CPO: variants seen among roughly 807,000 people sequenced by gnomAD.
CPO encodes carboxypeptidase O, also known as metallocarboxypeptidase C.
A neutral mutation model predicts 41.2 loss-of-function variants in CPO; 43 were observed. The ratio of observed to expected loss-of-function variants is 1.04; its 90% CI spans 0.82 to 1.35. CPO has a LOEUF of 1.35. Among genes scored for constraint, CPO ranks in the 40% most tolerant of loss-of-function variants. The probability of loss-of-function intolerance (pLI) is 0.00; values close to 1 mark genes in which losing one functional copy is unlikely to be tolerated. For synonymous variants in CPO, 178 were observed against 162.7 expected (o/e 1.09, Z -0.72); for missense variants, 408 against 451.7 (o/e 0.90, Z 0.88).
Position 206,958,310 on chromosome 2 carries a change from C to A in CPO, c.277C>A (p.Pro93Thr), listed in dbSNP as rs116599300. 2 of 1,576,622 alleles carry A rather than the reference C, an allele frequency of 1.3e-6. No individual in the cohort carries two copies. The highest frequency in any genetic ancestry group is 1.7e-6 in the Non-Finnish European group (2 of 1,156,792). Residue 93 changes from proline (P) to threonine (T), a missense_variant, in exon 4 of 9, where the codon CCA becomes ACA. Transcript: ENST00000272852. ...TGGATATCTTCTCCAGATCAGCCAA[C>A]CATCTGGTAATCCCAAGAAAATCAT... The part of the protein sequence containing the change: ...HPMYYLKISQ[P>T]SGNPKKIIWM...
Position 206,969,195 on chromosome 2 carries a change from G to C in CPO, c.884G>C (p.Arg295Thr), listed in dbSNP as rs1218752776. 1.9e-6 allele frequency: 3 copies of C among 1,614,150 alleles called. No homozygotes were observed. The change falls in exon 9 of 9, where the codon AGA becomes ACA. Residue 295 changes from arginine (R) to threonine (T), a missense_variant. By Grantham distance (71) the Arg-to-Thr change is moderately conservative (BLOSUM62 -1). Transcript: ENST00000272852. The stretch of plus-strand genomic sequence containing the variant: ...GTAGATGCCTCATCAGGGTCTTCAA[G>C]AGATTGGGCCCGAGACATTGGGATT... ...DILYASSGSS[R>T]DWARDIGIPF... is the part of the protein sequence containing the mutation.
At chr2:206,962,201 C>T (rs1177941173) in intron 6 of CPO, among the ~76,000 whole-genome samples, 3 of 151,872 alleles carry the variant, frequency 2.0e-5, no homozygotes, top group South Asian at 2.1e-4. Flanking sequence ...TAAATCCTAA[C>T]GTTATCCCTT....
At position 206,959,861 on chromosome 2, in the gene CPO, A is replaced by C. The variant is rs934230982; in HGVS notation, c.483+120A>C. 4 of 531,522 alleles carry C rather than the reference A, an allele frequency of 7.5e-6. No homozygotes were observed. The South Asian group carries it at 1.4e-4, about 18-fold the overall frequency. The allele number at this position is 531,522 out of a possible 1,614,324, so 32.9% of individuals were successfully genotyped here. A position where few individuals can be genotyped will look rare whatever the true frequency, so the allele number is the denominator to read the frequency against. On this transcript the variant is annotated intron_variant, in intron 5 of 8. Transcript: ENST00000272852. ...ATTTCATACCTATGTAAAGAAAGGA[A>C]CCCCATTTGGGATAAAAATCAGCTT...
chr2:206,958,728 G>GTTTTTTTTT (rs752377148), intron 4 of CPO, among the ~76,000 whole-genome samples: 5 of 53,328 alleles, frequency 9.4e-5, no homozygotes, highest in East Asian at 7.8e-4. Flanking sequence ...AAATTTTCTA[G>GTTTTTTTTT]TTTTTTTTTT....
At chr2:206,964,779 G>A (rs1325118204) in intron 7 of CPO, among the ~76,000 whole-genome samples, 1 of 152,186 alleles carries the variant, frequency 6.6e-6, no homozygotes, top group Non-Finnish European at 1.5e-5. Context: ...TGCTTAAAGG[G>A]ATCTGTGACA....
chr2:206,963,647 C>T (rs189805353), intron 7 of CPO, among the ~76,000 whole-genome samples: 3 of 152,338 alleles, frequency 2.0e-5, no homozygotes, highest in Admixed American at 6.5e-5. Flanking sequence ...CAAGTTTCCT[C>T]ATGTTGTAGG....
intron 7 of CPO, 39 bp downstream of exon 7, chr2:206,962,653 C>T (rs1436895023): frequency 6.6e-7 from 1 of 1,511,118 alleles, no homozygotes; most frequent in East Asian, 2.3e-5. Context: ...AAAACCTCAG[C>T]AAGACCTCTG....
chr2:206,950,714 G>T (rs1278703837), intron 2 of CPO, among the ~76,000 whole-genome samples: 1 of 152,124 alleles, frequency 6.6e-6, no homozygotes, highest in Non-Finnish European at 1.5e-5. Context: ...AGAAAATGTG[G>T]CACATATACA....
intron 6 of CPO, among the ~76,000 whole-genome samples, chr2:206,961,335 A>T (rs1479505910): frequency 6.6e-6 from 1 of 152,182 alleles, no homozygotes; most frequent in Non-Finnish European, 1.5e-5. Context: ...TGGCATTTTC[A>T]TGTTTCCAAA....
rs982085038 is a variant in CPO, at chr2:206,959,742, G to A, written c.483+1G>A. 7.6e-7 allele frequency: 1 copy of A among 1,311,478 alleles called. No homozygotes were observed. The highest frequency in any genetic ancestry group is 1.2e-5 in the South Asian group (1 of 84,452). 81.2% of individuals were successfully genotyped at this position (1,311,478 alleles called of 1,614,324 possible). ...TGGTTATATCTACACTTGGACAACT[G>A]TGAGTACACCATGTTTGGTCCTGGG... On this transcript the variant is annotated splice_donor_variant, in intron 5 of 8. Coordinates refer to ENST00000272852, the MANE Select transcript of CPO (RefSeq NM_173077.3). LOFTEE classifies it high-confidence loss of function.
intron 1 of CPO, 39 bp downstream of exon 1, chr2:206,939,706 T>A: frequency 1.3e-6 from 2 of 1,556,882 alleles, no homozygotes; most frequent in Middle Eastern, 1.7e-4. Context: ...TTATTATAAT[T>A]TAGATTGTCT....
rs1693638948 is a variant in CPO at position 206,969,212 on chromosome 2, A to T, written c.901A>T (p.Ile301Phe). The change falls in exon 9 of 9, where the codon ATT becomes TTT. Residue 301 changes from isoleucine (I) to phenylalanine (F), a missense_variant. By Grantham distance (21) the Ile-to-Phe change is conservative. Coordinates refer to ENST00000272852, the MANE Select transcript of CPO (RefSeq NM_173077.3). ...SGSSRDWARD[I>F]GIPFSYTFEL... ...GTCTTCAAGAGATTGGGCCCGAGACATTGGGATTCCCTTCTCATATACGTT... is the reference window on the plus strand; with the variant it reads ...GTCTTCAAGAGATTGGGCCCGAGACTTTGGGATTCCCTTCTCATATACGTT... 3 of 1,614,088 alleles carry T rather than the reference A, an allele frequency of 1.9e-6. No individual in the cohort carries two copies. The highest frequency in any genetic ancestry group is 1.7e-6 in the Non-Finnish European group (2 of 1,179,960).
At chr2:206,946,281 C>T (rs998303304) in intron 1 of CPO, among the ~76,000 whole-genome samples, 2 of 151,986 alleles carry the variant, frequency 1.3e-5, no homozygotes, top group African/African-American at 4.8e-5. Context: ...AATTAGACAC[C>T]ACAACCAAGT....
At chr2:206,968,961 G>A (rs1574358863) in intron 8 of CPO, among the ~76,000 whole-genome samples, 1 of 152,340 alleles carries the variant, frequency 6.6e-6, no homozygotes, top group East Asian at 1.9e-4. Context: ...CACAGTGCCA[G>A]GTATGATGGG....
intron 2 of CPO, among the ~76,000 whole-genome samples, chr2:206,952,708 A>G (rs542322489): frequency 1.3e-5 from 2 of 152,318 alleles, no homozygotes; most frequent in East Asian, 3.9e-4. Context: ...GGCATGTGAG[A>G]ACATGTGAGA....
intron 2 of CPO, among the ~76,000 whole-genome samples, chr2:206,952,249 A>G (rs575282336): frequency 6.6e-6 from 1 of 152,004 alleles, no homozygotes; most frequent in African/African-American, 2.4e-5. Flanking sequence ...AGTAGCTGAG[A>G]TTACAGGCAC....
At chr2:206,944,642 A>G (rs1693108706) in intron 1 of CPO, among the ~76,000 whole-genome samples, 2 of 152,044 alleles carry the variant, frequency 1.3e-5, no homozygotes, top group Admixed American at 1.3e-4. Context: ...GGACAAGCTA[A>G]TAGGGCAAAC....
chr2:206,962,121 A>G (rs1313711623), intron 6 of CPO, among the ~76,000 whole-genome samples: 1 of 150,034 alleles, frequency 6.7e-6, no homozygotes, highest in Admixed American at 6.6e-5. Context: ...AAAAAAAAAT[A>G]CAAGTATACT....
intron 1 of CPO, among the ~76,000 whole-genome samples, chr2:206,943,674 TGATAGATAGATAGATAGATAGATA>T (rs71987761): frequency 1.9e-5 from 2 of 106,536 alleles, no homozygotes; most frequent in Non-Finnish European, 4.4e-5. Flanking sequence ...GATAGATAGA[TGATAGATAGATAGATAGATAGATA>T]GATAGATAGA....
Sources: allele counts gnomAD v4.1 joint callset (sites outside exome capture counted in the v4.1 genomes callset), GRCh38; gene constraint gnomAD v4.1.1; transcripts MANE v1.5; gene names NCBI Gene and HGNC (gene_info 2026-07-23, HGNC 2026-07-21).